The following ARHGAP19 variants were observed in gnomAD, a reference collection of about 807,000 sequenced individuals.
The protein encoded by ARHGAP19 is rho GTPase-activating protein 19.
In ARHGAP19, 48 loss-of-function variants were observed where a neutral mutation model predicts 60.9. That is an observed-to-expected ratio of 0.79 (90% CI 0.62 to 1.00). The LOEUF is 1.00. Among genes scored for constraint, ARHGAP19 ranks in the 50% least tolerant of loss-of-function variants. The pLI, the probability that ARHGAP19 is intolerant of heterozygous loss-of-function variation, is 0.00. For synonymous variants in ARHGAP19, 209 were observed against 215.5 expected (o/e 0.97, Z 0.27); for missense variants, 562 against 597.2 (o/e 0.94, Z 0.61).
chr10:97,236,450 T>C (rs544500994), intron 8 of ARHGAP19, among the ~76,000 whole-genome samples: 72 of 152,300 alleles, frequency 4.7e-4, no homozygotes, highest in Admixed American at 1.8e-3. Flanking sequence ...AGAGCTTAGC[T>C]AGTTAAGTAT....
chr10:97,254,560 A>G (rs993180127), intron 6 of ARHGAP19, among the ~76,000 whole-genome samples: 3 of 152,220 alleles, frequency 2.0e-5, no homozygotes, highest in African/African-American at 7.2e-5. Flanking sequence ...CATAAACATA[A>G]GACCTAAAAC....
chr10:97,278,683 C>T (rs1040152336), intron 1 of ARHGAP19, among the ~76,000 whole-genome samples: 2 of 152,142 alleles, frequency 1.3e-5, no homozygotes, highest in Non-Finnish European at 1.5e-5. Flanking sequence ...TGGAACCCTA[C>T]ATGTAAGGTG....
intron 8 of ARHGAP19, among the ~76,000 whole-genome samples, chr10:97,240,838 T>C (rs1358583764): frequency 6.6e-6 from 1 of 152,202 alleles, no homozygotes; most frequent in Non-Finnish European, 1.5e-5. Flanking sequence ...GAAACATATA[T>C]TCATGGAGAG....
In ARHGAP19 at chr10:97,223,162, G is replaced by A. The variant is rs1850836533; in HGVS notation, c.*2960C>T. ...CTCCACTAGCCCATTTCCCAAGGGTGTTCCCTTGTCCTTCCTGAATGACTC... is the reference window on the plus strand; with the variant it reads ...CTCCACTAGCCCATTTCCCAAGGGTATTCCCTTGTCCTTCCTGAATGACTC... On this transcript the variant is annotated 3_prime_UTR_variant, in exon 12 of 12. Coordinates refer to ENST00000358531, the MANE Select transcript of ARHGAP19 (RefSeq NM_032900.6). 1 of 152,178 alleles carries A rather than the reference G, an allele frequency of 6.6e-6. No individual in the cohort carries two copies. Among genetic ancestry groups the A allele is most frequent in the African/African-American group, 2.4e-5 (1 of 41,434 alleles). The allele number at this position is 152,178 out of a possible 1,614,324, so 9.4% of individuals were successfully genotyped here. A position where few individuals can be genotyped will look rare whatever the true frequency, so the allele number is the denominator to read the frequency against.
chr10:97,242,387 G>A, intron 8 of ARHGAP19, among the ~76,000 whole-genome samples: 1 of 129,118 alleles, frequency 7.7e-6, no homozygotes, highest in East Asian at 2.3e-4. Context: ...AGGCTGGAGT[G>A]CAATAGCACG....
rs1850972908 is a variant in ARHGAP19 at position 97,229,875 on chromosome 10, C to T, written c.1285-1G>A. 1.3e-6 allele frequency: 2 copies of T among 1,592,860 alleles called. No individual in the cohort carries two copies. Among genetic ancestry groups the T allele is most frequent in the Non-Finnish European group, 1.7e-6 (2 of 1,164,594 alleles). On this transcript the variant is annotated splice_acceptor_variant, in intron 9 of 11. Transcript: ENST00000358531. LOFTEE classifies it high-confidence loss of function. Reference sequence around the variant, plus strand: ...TCATCTGATTTCCCAGGACCTTCCGCTGATTTAAGAACAGAAAACATTTGA... The same window carrying T: ...TCATCTGATTTCCCAGGACCTTCCGTTGATTTAAGAACAGAAAACATTTGA...
At chr10:97,234,610 C>T (rs1295030488) in intron 9 of ARHGAP19, among the ~76,000 whole-genome samples, 2 of 152,180 alleles carry the variant, frequency 1.3e-5, no homozygotes, top group Non-Finnish European at 2.9e-5. Context: ...GGCAATATTC[C>T]TTCACTACAT....
At chr10:97,254,718 C>T (rs1842730979) in intron 6 of ARHGAP19, among the ~76,000 whole-genome samples, 1 of 151,990 alleles carries the variant, frequency 6.6e-6, no homozygotes, top group Non-Finnish European at 1.5e-5. Flanking sequence ...ATTTGCACAT[C>T]AAAACACACT....
rs2134805409 is a variant in ARHGAP19, at chr10:97,230,004, C to T, written c.1285-130G>A. ...AGCATTCTGATAATCCTGTATGGAC[C>T]CTCTCAGGCCATCTTATACAAGAGA... is the stretch of plus-strand genomic sequence containing the variant. On this transcript the variant is annotated intron_variant, in intron 9 of 11. Coordinates refer to ENST00000358531, the MANE Select transcript of ARHGAP19 (RefSeq NM_032900.6). 1.1e-5 allele frequency: 7 copies of T among 645,412 alleles called. 1 individual carries two copies. In the South Asian group the frequency reaches 1.6e-4, roughly 14 times the overall value. 40.0% of individuals were successfully genotyped at this position (645,412 alleles called of 1,614,324 possible).
chr10:97,246,599 C>T (rs1842567334), intron 6 of ARHGAP19, among the ~76,000 whole-genome samples: 1 of 152,182 alleles, frequency 6.6e-6, no homozygotes, highest in Non-Finnish European at 1.5e-5. Flanking sequence ...CATGTATATA[C>T]TCAAATAAGC....
rs540995827 is a variant in ARHGAP19 at position 97,285,118 on chromosome 10, G to A, written c.56+7454C>T. Among the ~76,000 whole-genome samples, 24 of 151,996 alleles carry A rather than the reference G, an allele frequency of 1.6e-4. No homozygotes were observed. In the South Asian group the frequency reaches 4.6e-3, roughly 29 times the overall value. On this transcript the variant is annotated intron_variant, in intron 1 of 11. Coordinates refer to ENST00000358531, the MANE Select transcript of ARHGAP19 (RefSeq NM_032900.6). ...GACCTCAGGTGATCCGCCCGCCTCC[G>A]CCTCCCAAAGTGCTGGGATTACAGG...
At chr10:97,281,874 A>C (rs1448392379) in intron 1 of ARHGAP19, among the ~76,000 whole-genome samples, 1 of 152,180 alleles carries the variant, frequency 6.6e-6, no homozygotes, top group East Asian at 1.9e-4. Flanking sequence ...CTAATACTTA[A>C]GGTGCTTTTT....
chr10:97,228,605 C>G (rs1329831360), intron 11 of ARHGAP19, among the ~76,000 whole-genome samples: 1 of 152,118 alleles, frequency 6.6e-6, no homozygotes, highest in Non-Finnish European at 1.5e-5. Context: ...CAGAGGAAGG[C>G]ACAGCAGGCT....
At chr10:97,272,488 T>C (rs1173195422) in intron 1 of ARHGAP19, among the ~76,000 whole-genome samples, 1 of 152,200 alleles carries the variant, frequency 6.6e-6, no homozygotes, top group African/African-American at 2.4e-5. Context: ...TCTGTAAATA[T>C]GTGACAGAAT....
In ARHGAP19 at chr10:97,226,096, G is replaced by A; in HGVS notation, c.*26C>T. On this transcript the variant is annotated 3_prime_UTR_variant, in exon 12 of 12. Transcript: ENST00000358531. ...CCCACTAAACAGAAAATTCTGCATG[G>A]ACCATAGGAGACAACTCTGGATCCT... is the stretch of plus-strand genomic sequence containing the variant. The A allele has an allele frequency of 6.2e-7, 1 of 1,613,028 alleles. No individual in the cohort carries two copies. Among genetic ancestry groups the A allele is most frequent in the South Asian group, 1.1e-5 (1 of 91,006 alleles).
intron 8 of ARHGAP19, among the ~76,000 whole-genome samples, chr10:97,239,550 GGGTGTGTGT>G (rs1564713480): frequency 0.13 from 14,939 of 114,392 alleles, 943 homozygotes; most frequent in Non-Finnish European, 0.16. Context: ...GAGAGAGAGA[GGGTGTGTGT>G]GTGTGTGTGT....
rs1015905513 is a variant in ARHGAP19 at position 97,224,602 on chromosome 10, T to C, written c.*1520A>G. 6.6e-6 allele frequency: 1 copy of C among 152,232 alleles called. No individual in the cohort carries two copies. The highest frequency in any genetic ancestry group is 1.5e-5 in the Non-Finnish European group (1 of 68,034). The allele number at this position is 152,232 out of a possible 1,614,324, so 9.4% of individuals were successfully genotyped here. On this transcript the variant is annotated 3_prime_UTR_variant, in exon 12 of 12. Transcript: ENST00000358531. Reference sequence around the variant, plus strand: ...GCCAAGCTCTGCTCCCCCAGAGTCATCTTTCATTTCAGCAATGGTGCAGCA... The same window carrying C: ...GCCAAGCTCTGCTCCCCCAGAGTCACCTTTCATTTCAGCAATGGTGCAGCA...
Position 97,235,232 on chromosome 10 carries a change from G to A in ARHGAP19, c.1269C>T (p.Phe423=), listed in dbSNP as rs140624913. Residue 423 remains phenylalanine, a synonymous_variant, in exon 9 of 12, where the codon TTC becomes TTT. Transcript: ENST00000358531. ...GCATACCTACCTTAATAAGCCCACT[G>A]AAGGAGCGCGAACGAGCCCTCTTTT... The part of the protein sequence containing the change: ...QVQKRARSRS[F]SGLIKRKVLG... 1.1e-5 allele frequency: 18 copies of A among 1,613,172 alleles called. No homozygotes were observed. The highest frequency in any genetic ancestry group is 1.5e-5 in the Non-Finnish European group (18 of 1,179,234).
chr10:97,248,937 CCT>C (rs1234657120), intron 6 of ARHGAP19, among the ~76,000 whole-genome samples: 2 of 152,136 alleles, frequency 1.3e-5, no homozygotes, highest in African/African-American at 4.8e-5. Flanking sequence ...ACCACCGTAG[CCT>C]CTGAGTAGCT....
Sources: allele counts gnomAD v4.1 joint callset (sites outside exome capture counted in the v4.1 genomes callset), GRCh38; gene constraint gnomAD v4.1.1; transcripts MANE v1.5; gene names NCBI Gene and HGNC (gene_info 2026-07-23, HGNC 2026-07-21).